TBC1D22A: variants seen among roughly 807,000 people sequenced by gnomAD.
The protein encoded by TBC1D22A is putative GTPase activator.
A neutral mutation model predicts 60.2 loss-of-function variants in TBC1D22A; 38 were observed. That is an observed-to-expected ratio of 0.63 (90% confidence interval 0.49 to 0.83). TBC1D22A has a LOEUF of 0.83. TBC1D22A is among the 40% of genes least tolerant of loss of function. TBC1D22A has a pLI of 0.00. For synonymous variants in TBC1D22A, 302 were observed against 281.7 expected (o/e 1.07, Z -0.72); for missense variants, 628 against 701.0 (o/e 0.90, Z 1.18).
intron 10 of TBC1D22A, among the ~76,000 whole-genome samples, chr22:47,005,384 AC>A (rs778839952): frequency 1.7e-4 from 25 of 150,968 alleles, no homozygotes; most frequent in South Asian, 4.2e-4. Context: ...GTACACACAT[AC>A]CCCTATGCAC....
intron 11 of TBC1D22A, among the ~76,000 whole-genome samples, chr22:47,092,452 G>A (rs907181684): frequency 6.6e-6 from 1 of 152,168 alleles, no homozygotes; most frequent in Non-Finnish European, 1.5e-5. Flanking sequence ...AGGAGAGAGT[G>A]AACGAGGATG....
At chr22:46,879,668 T>C (rs2067752337) in intron 5 of TBC1D22A, among the ~76,000 whole-genome samples, 1 of 152,252 alleles carries the variant, frequency 6.6e-6, no homozygotes, top group South Asian at 2.1e-4. Flanking sequence ...TTTTTTATTT[T>C]AACCTAGTTT....
At chr22:46,899,672 G>A (rs57531686) in intron 7 of TBC1D22A, among the ~76,000 whole-genome samples, 1,881 of 152,230 alleles carry the variant, frequency 0.012, 31 homozygotes, top group African/African-American at 0.041. Context: ...GGTCCAAGGT[G>A]GCTGGCCTAG....
At chr22:46,994,918 C>A (rs1340909662) in intron 9 of TBC1D22A, among the ~76,000 whole-genome samples, 1 of 152,208 alleles carries the variant, frequency 6.6e-6, no homozygotes, top group Non-Finnish European at 1.5e-5. Flanking sequence ...CAAAGGAATT[C>A]AAGTCTGGAG....
Position 47,026,348 on chromosome 22 carries a change from CT to C in TBC1D22A, c.1202-10721del, listed in dbSNP as rs1187696762. 5.3e-5 allele frequency among the ~76,000 whole-genome samples: 8 copies of C among 152,322 alleles called. No homozygotes were observed. In the East Asian group the frequency reaches 1.4e-3, roughly 26 times the overall value. ...CCTGGGACAGTGTTCCTTCTTTTCACTTCTGTCCGGTGTGTATACGGGAGAT... is the reference window on the plus strand; with the variant it reads ...CCTGGGACAGTGTTCCTTCTTTTCACTCTGTCCGGTGTGTATACGGGAGAT... On this transcript the variant is annotated intron_variant, in intron 10 of 12. Transcript: ENST00000337137.
At chr22:46,854,151 G>T (rs184221352) in intron 4 of TBC1D22A, among the ~76,000 whole-genome samples, 2 of 152,184 alleles carry the variant, frequency 1.3e-5, no homozygotes, top group African/African-American at 4.8e-5. Context: ...CCCAGTGTCC[G>T]TGTCTTCCGG....
At chr22:46,797,017 C>A (rs2084683212) in intron 3 of TBC1D22A, among the ~76,000 whole-genome samples, 1 of 152,188 alleles carries the variant, frequency 6.6e-6, no homozygotes, top group African/African-American at 2.4e-5. Context: ...CCTCTGCAGG[C>A]TTTCTCCTTT....
intron 8 of TBC1D22A, among the ~76,000 whole-genome samples, chr22:46,928,689 A>G (rs113237748): frequency 2.0e-5 from 3 of 152,382 alleles, no homozygotes; most frequent in South Asian, 2.1e-4. Flanking sequence ...CATATCTAGT[A>G]TATACAAAGA....
At chr22:47,108,138 G>A (rs1410728174) in intron 11 of TBC1D22A, among the ~76,000 whole-genome samples, 1 of 152,228 alleles carries the variant, frequency 6.6e-6, no homozygotes, top group Non-Finnish European at 1.5e-5. Flanking sequence ...ATCAAAACTA[G>A]TGGCAGTTTT....
chr22:46,851,410 C>T (rs1013151144), intron 4 of TBC1D22A, among the ~76,000 whole-genome samples: 1 of 152,242 alleles, frequency 6.6e-6, no homozygotes, highest in African/African-American at 2.4e-5. Context: ...CTAGAGACCC[C>T]TTCCAGCGGG....
intron 4 of TBC1D22A, among the ~76,000 whole-genome samples, chr22:46,851,779 G>A (rs780873233): frequency 5.3e-5 from 8 of 152,238 alleles, no homozygotes; most frequent in Non-Finnish European, 8.8e-5. Flanking sequence ...GACTGTGGTT[G>A]GCAGGGCTAG....
chr22:47,159,585 T>C (rs2067886471), intron 12 of TBC1D22A, among the ~76,000 whole-genome samples: 1 of 151,396 alleles, frequency 6.6e-6, no homozygotes, highest in African/African-American at 2.4e-5. Flanking sequence ...ACCACAGTTA[T>C]GTACACGTAT....
At position 47,087,941 on chromosome 22, in the gene TBC1D22A, C is replaced by T. The variant is rs550776204; in HGVS notation, c.1330-23567C>T. Among the ~76,000 whole-genome samples the T allele has an allele frequency of 9.8e-4, 149 of 152,068 alleles. 1 individual carries two copies. Among genetic ancestry groups the T allele is most frequent in the African/African-American group, 3.2e-3 (132 of 41,504 alleles). On this transcript the variant is annotated intron_variant, in intron 11 of 12. Coordinates refer to ENST00000337137, the MANE Select transcript of TBC1D22A (RefSeq NM_014346.5). ...ATACAAAATTAGCCAGGCGTGGTGG[C>T]GGGCGCCTGTAGTTCCAGCTACTTG...
intron 7 of TBC1D22A, among the ~76,000 whole-genome samples, chr22:46,909,534 G>A (rs1254840444): frequency 1.3e-5 from 2 of 152,200 alleles, no homozygotes; most frequent in Non-Finnish European, 2.9e-5. Flanking sequence ...GTGGCCTCAG[G>A]CACCCCGGGC....
At chr22:47,098,507 T>TC (rs1267203317) in intron 11 of TBC1D22A, among the ~76,000 whole-genome samples, 2 of 152,068 alleles carry the variant, frequency 1.3e-5, no homozygotes, top group African/African-American at 4.8e-5. Flanking sequence ...GAAGCCATGC[T>TC]CCCCAACCCC....
chr22:46,940,966 A>AAT lies in TBC1D22A; in HGVS notation c.1015+28791_1015+28792dup, dbSNP rs748041392. Among the ~76,000 whole-genome samples, 169 of 135,804 alleles carry AAT rather than the reference A, an allele frequency of 1.2e-3. 1 individual carries two copies. The highest frequency in any genetic ancestry group is 4.2e-3 in the African/African-American group (148 of 35,616). The allele number at this position is 135,804 out of a possible 152,430, so 89.1% of individuals were successfully genotyped here. A position where few individuals can be genotyped will look rare whatever the true frequency, so the allele number is the denominator to read the frequency against. ...AACAGCATGGGGACTGAGGCACTAG[A>AAT]ATATATATATATATGTATGTATGTA... On this transcript the variant is annotated intron_variant, in intron 8 of 12. Transcript: ENST00000337137.
intron 3 of TBC1D22A, among the ~76,000 whole-genome samples, chr22:46,796,868 C>A (rs1385261112): frequency 6.6e-6 from 1 of 152,192 alleles, no homozygotes; most frequent in East Asian, 1.9e-4. Context: ...CCCTGTGGGA[C>A]CTTCCTCCCA....
intron 12 of TBC1D22A, among the ~76,000 whole-genome samples, 171 bp from the exon 13 acceptor site, chr22:47,173,327 T>G (rs2068564326): frequency 1.3e-5 from 2 of 152,050 alleles, no homozygotes; most frequent in South Asian, 4.1e-4. Flanking sequence ...GTGGGTCACC[T>G]CCTCTGACCT....
rs1246996049 is a variant in TBC1D22A at position 47,012,017 on chromosome 22, A to C, written c.1201+14308A>C. On this transcript the variant is annotated intron_variant, in intron 10 of 12. Coordinates refer to ENST00000337137, the MANE Select transcript of TBC1D22A (RefSeq NM_014346.5). ...GCTCTGCCTTGGTGGCCTTGTCCCC[A>C]CCCCGCCCCCAGCTGATTCTGCACA... 8.6e-5 allele frequency among the ~76,000 whole-genome samples: 13 copies of C among 151,314 alleles called. No homozygotes were observed. In the East Asian group the frequency reaches 2.3e-3, roughly 27 times the overall value.
Sources: allele counts gnomAD v4.1 joint callset (sites outside exome capture counted in the v4.1 genomes callset), GRCh38; gene constraint gnomAD v4.1.1; transcripts MANE v1.5; gene names NCBI Gene and HGNC (gene_info 2026-07-23, HGNC 2026-07-21).